Variants in MORC4 observed in about 807,000 individuals in gnomAD.
The protein encoded by MORC4 is MORC family CW-type zinc finger 4.
In MORC4, 22 loss-of-function variants were observed where a neutral mutation model predicts 65.5. The observed-to-expected ratio is 0.34, with a 90% CI of 0.24 to 0.48. MORC4 has a LOEUF of 0.48. Ranked by LOEUF, MORC4 falls within the 20% of genes least tolerant of loss-of-function variation. The pLI, the probability that MORC4 is intolerant of heterozygous loss-of-function variation, is 0.99. For synonymous variants in MORC4, 267 were observed against 255.8 expected (o/e 1.04, Z -0.42); for missense variants, 624 against 703.0 (o/e 0.89, Z 1.27).
chrX:106,994,033 C>T (rs1379160007), intron 2 of MORC4, among the ~76,000 whole-genome samples: 1 of 112,285 alleles, frequency 8.9e-6, no homozygotes, highest in Admixed American at 9.4e-5. Flanking sequence ...TAAGGCTGTC[C>T]ATCCTTTCAG....
intron 2 of MORC4, among the ~76,000 whole-genome samples, chrX:106,995,125 A>G (rs899845272): frequency 9.0e-6 from 1 of 111,319 alleles, no homozygotes; most frequent in Non-Finnish European, 1.9e-5. Flanking sequence ...TGTAGCCATT[A>G]ACCCACCTCT....
At chrX:106,945,255 C>T (rs1933795991) in intron 14 of MORC4, among the ~76,000 whole-genome samples, 1 of 111,342 alleles carries the variant, frequency 9.0e-6, no homozygotes, top group Admixed American at 9.6e-5. Flanking sequence ...CCAGCTTTAT[C>T]TCTCATTACT....
Position 106,946,985 on chromosome X carries a change from CCTCT to C in MORC4, c.1686-3784_1686-3781del, listed in dbSNP as rs199680764. ...ATAAGCATCTAAAAATATAATTTTC[CCTCT>C]GAGTATTTCTTTAGCTTCAACCCAT... On this transcript the variant is annotated intron_variant, in intron 14 of 16. Transcript: ENST00000355610. Among the ~76,000 whole-genome samples the C allele has an allele frequency of 9.7e-3, 1,082 of 111,223 alleles. 15 individuals are homozygous for C. Among genetic ancestry groups the C allele is most frequent in the African/African-American group, 0.033 (997 of 30,599 alleles).
At chrX:106,967,066 A>C (rs1055021346) in intron 9 of MORC4, among the ~76,000 whole-genome samples, 1 of 111,461 alleles carries the variant, frequency 9.0e-6, no homozygotes, top group Non-Finnish European at 1.9e-5. Context: ...GCCAACAGAC[A>C]TCTCATACAG....
At chrX:106,967,887 A>G (rs1243211551) in intron 9 of MORC4, among the ~76,000 whole-genome samples, 1 of 112,047 alleles carries the variant, frequency 8.9e-6, no homozygotes, top group Non-Finnish European at 1.9e-5. Context: ...GTTAGAAAAC[A>G]CTCTTCAGGA....
intron 9 of MORC4, among the ~76,000 whole-genome samples, chrX:106,965,223 C>G (rs1934346208): frequency 8.9e-6 from 1 of 111,811 alleles, no homozygotes; most frequent in South Asian, 3.7e-4. Context: ...AGGAGCAAAA[C>G]TTTTGTAAGG....
rs1441342225 is a variant in MORC4 at position 106,955,095 on chromosome X, AAGAC to A, written c.1510-11_1510-8del. 1 of 1,163,106 alleles carries A rather than the reference AAGAC, an allele frequency of 8.6e-7. No homozygotes were observed. Among genetic ancestry groups the A allele is most frequent in the South Asian group, 1.9e-5 (1 of 52,395 alleles). ...TTGGTGGATTACTGAATACCTATAA[AAGAC>A]AGAAATGATTTGTAAAAGTCTCAAA... On this transcript the variant is annotated splice_region_variant and splice_polypyrimidine_tract_variant and intron_variant, in intron 13 of 16. Transcript: ENST00000355610.
Position 106,943,424 on chromosome X carries a change from C to G in MORC4, c.1686-219G>C, listed in dbSNP as rs760271063. Among the ~76,000 whole-genome samples, 11 of 111,427 alleles carry G rather than the reference C, an allele frequency of 9.9e-5. 1 individual carries two copies. The highest frequency in any genetic ancestry group is 3.6e-4 in the African/African-American group (11 of 30,592). On this transcript the variant is annotated intron_variant, in intron 14 of 16. Transcript: ENST00000355610. ...GGTGAAGTTGAAAGGTGTGACTGGG[C>G]AGCATCTGGATATAATAGGACTAGG...
intron 10 of MORC4, among the ~76,000 whole-genome samples, chrX:106,960,051 C>T (rs1489035539): frequency 1.2e-4 from 13 of 112,109 alleles, no homozygotes; most frequent in Admixed American, 9.4e-4. Flanking sequence ...CAGGCTGTTC[C>T]AGCCTTGCAA....
At chrX:106,952,113 T>C (rs1933988185) in intron 14 of MORC4, among the ~76,000 whole-genome samples, 1 of 110,240 alleles carries the variant, frequency 9.1e-6, no homozygotes. Context: ...TCATCTTTGA[T>C]CTTGTCACTA....
At chrX:106,952,911 C>T (rs987134394) in intron 14 of MORC4, among the ~76,000 whole-genome samples, 11 of 111,970 alleles carry the variant, frequency 9.8e-5, no homozygotes, top group Non-Finnish European at 1.5e-4. Context: ...AAGGTAGTCT[C>T]AGCCCAATCA....
chrX:106,988,041 T>G (rs912739242), intron 3 of MORC4, among the ~76,000 whole-genome samples: 26 of 111,868 alleles, frequency 2.3e-4, no homozygotes, highest in African/African-American at 7.8e-4. Flanking sequence ...CAAAATACAT[T>G]AAGTATAAAG....
intron 7 of MORC4, among the ~76,000 whole-genome samples, chrX:106,978,436 A>C (rs1233557484): frequency 9.0e-6 from 1 of 111,383 alleles, no homozygotes; most frequent in African/African-American, 3.2e-5. Context: ...AACGTTAAGG[A>C]ATTACAGAGG....
At chrX:106,995,192 T>C (rs12013565) in intron 2 of MORC4, among the ~76,000 whole-genome samples, 1 of 105,578 alleles carries the variant, frequency 9.5e-6, no homozygotes, top group East Asian at 3.4e-4. Context: ...CACTCTCTAC[T>C]TCTAAGCTTA....
intron 9 of MORC4, among the ~76,000 whole-genome samples, chrX:106,971,148 C>G (rs1403129926): frequency 9.0e-6 from 1 of 111,353 alleles, no homozygotes; most frequent in African/African-American, 3.3e-5. Flanking sequence ...ACGGAGGCCT[C>G]AGAAATAATA....
chrX:106,958,147 C>A (rs780678804), intron 11 of MORC4, among the ~76,000 whole-genome samples, 189 bp downstream of exon 11: 3 of 111,763 alleles, frequency 2.7e-5, no homozygotes, highest in African/African-American at 9.8e-5. Flanking sequence ...GAAGCCACAG[C>A]CCTGGCTCAA....
At chrX:106,960,698 C>T (rs1464102566) in intron 10 of MORC4, among the ~76,000 whole-genome samples, 1 of 111,900 alleles carries the variant, frequency 8.9e-6, no homozygotes, top group Non-Finnish European at 1.9e-5. Flanking sequence ...CACTCTCTAG[C>T]AGTATGTGAA....
chrX:106,947,303 A>G (rs1440596380), intron 14 of MORC4, among the ~76,000 whole-genome samples: 4 of 108,971 alleles, frequency 3.7e-5, no homozygotes, highest in Non-Finnish European at 5.7e-5. Flanking sequence ...TGCATTTGAG[A>G]AGAATACATA....
At chrX:106,972,846 G>A (rs1236886278) in intron 9 of MORC4, among the ~76,000 whole-genome samples, 1 of 112,810 alleles carries the variant, frequency 8.9e-6, no homozygotes, top group Non-Finnish European at 1.9e-5. Flanking sequence ...GCTGAGGCAG[G>A]ACAATCGCTT....
Sources: allele counts gnomAD v4.1 joint callset (sites outside exome capture counted in the v4.1 genomes callset), GRCh38; gene constraint gnomAD v4.1.1; transcripts MANE v1.5; gene names NCBI Gene and HGNC (gene_info 2026-07-23, HGNC 2026-07-21).